MCF2: variants seen among roughly 807,000 people sequenced by gnomAD.
The protein encoded by MCF2 is proto-oncogene DBL.
In MCF2, 44 loss-of-function variants were observed where a neutral mutation model predicts 82.5. That is an observed-to-expected ratio of 0.53 (90% CI 0.42 to 0.69). The LOEUF (loss-of-function observed/expected upper bound fraction) is 0.69, where lower values mean the gene tolerates loss of function less well. MCF2 is among the 30% of genes least tolerant of loss of function. MCF2 has a pLI of 0.00. For synonymous variants in MCF2, 217 were observed against 224.9 expected, an observed-to-expected ratio of 0.96 and a Z score of 0.32; for missense variants, 623 against 663.1, an observed-to-expected ratio of 0.94 and a Z score of 0.66.
chrX:139,629,550 G>A lies in MCF2; in HGVS notation c.438+145C>T. On this transcript the variant is annotated intron_variant, in intron 4 of 24. Transcript: ENST00000370576. ...ATCCAGGACAGTCTTCTCTTATAAA[G>A]TATAATTTTTTTTAGTTTTTAAATA... 8 of 459,776 alleles carry A rather than the reference G, an allele frequency of 1.7e-5. No homozygotes were observed. In the South Asian group the frequency reaches 2.2e-4, roughly 12 times the overall value. 37.9% of individuals were successfully genotyped at this position (459,776 alleles called of 1,213,427 possible).
At chrX:139,615,088 T>G in intron 9 of MCF2, 36 bp from the exon 13 acceptor site, 1 of 1,073,858 alleles carries the variant, frequency 9.3e-7, no homozygotes, top group Non-Finnish European at 1.3e-6. Flanking sequence ...AAATATTTTA[T>G]GAAATGAGGT....
chrX:139,628,405 T>G (rs1164875488), intron 4 of MCF2, among the ~76,000 whole-genome samples: 1 of 111,400 alleles, frequency 9.0e-6, no homozygotes, highest in African/African-American at 3.3e-5. Context: ...TTCTCACAAG[T>G]GGGAGCTAAA....
chrX:139,696,586 G>A (rs1343693852), intron 1 of MCF2, among the ~76,000 whole-genome samples: 2 of 110,424 alleles, frequency 1.8e-5, no homozygotes, highest in African/African-American at 6.7e-5. Flanking sequence ...ACCATGCCTG[G>A]CTAATTTTTC....
At chrX:139,615,099 C>A in intron 9 of MCF2, 47 bp from the exon 13 acceptor site, 3 of 960,250 alleles carry the variant, frequency 3.1e-6, no homozygotes, top group African/African-American at 1.9e-5. Flanking sequence ...GAAATGAGGT[C>A]ATTACAAACC....
intron 1 of MCF2, among the ~76,000 whole-genome samples, chrX:139,690,517 T>C (rs1164744289): frequency 9.1e-6 from 1 of 110,185 alleles, no homozygotes; most frequent in Non-Finnish European, 1.9e-5. Context: ...ATCACCACAT[T>C]GCCCTTAATG....
chrX:139,685,845 T>C (rs945419753), intron 1 of MCF2, among the ~76,000 whole-genome samples: 2 of 111,139 alleles, frequency 1.8e-5, no homozygotes, highest in Non-Finnish European at 3.8e-5. Context: ...TAAACAGAGA[T>C]GCAAAAATAC....
chrX:139,616,379 T>C, exon 9 of MCF2: 4 of 1,181,329 alleles, frequency 3.4e-6, no homozygotes, highest in Non-Finnish European at 4.6e-6. Flanking sequence ...ATTTTCAATG[T>C]CTTGGAGAGC....
At chrX:139,582,704 T>C (rs1928581877) in intron 24 of MCF2, among the ~76,000 whole-genome samples, 1 of 112,027 alleles carries the variant, frequency 8.9e-6, no homozygotes, top group African/African-American at 3.2e-5. Flanking sequence ...GGTTTTTCTA[T>C]ATTCCCATCC....
chrX:139,588,374 T>C, exon 21 of MCF2: 1 of 1,207,249 alleles, frequency 8.3e-7, no homozygotes, highest in Non-Finnish European at 1.1e-6. Context: ...CAAAAGTTCC[T>C]GCTGCTTCAA....
At chrX:139,647,402 T>C (rs1026749821), upstream of MCF2, among the ~76,000 whole-genome samples, 9 of 111,914 alleles carry the variant, frequency 8.0e-5, no homozygotes, top group Admixed American at 6.6e-4. Context: ...AAAGGAATGA[T>C]GGCAGGAATG....
chrX:139,612,955 T>A (rs1200744888), intron 10 of MCF2, among the ~76,000 whole-genome samples: 2 of 111,982 alleles, frequency 1.8e-5, no homozygotes, highest in African/African-American at 6.5e-5. Context: ...TCGCCAATTG[T>A]TTTTCTTTAT....
At chrX:139,662,514 A>G (rs1691053235) in intron 1 of MCF2, among the ~76,000 whole-genome samples, 1 of 111,461 alleles carries the variant, frequency 9.0e-6, no homozygotes, top group Non-Finnish European at 1.9e-5. Flanking sequence ...GGATAGACAT[A>G]AAGATCAATG....
chrX:139,631,536 C>A, intron 2 of MCF2, 25 bp from the exon 6 acceptor site: 1 of 911,139 alleles, frequency 1.1e-6, no homozygotes, highest in Non-Finnish European at 1.6e-6. Context: ...AAAAAAGATA[C>A]TGTTAACTGC....
intron 19 of MCF2, among the ~76,000 whole-genome samples, chrX:139,593,183 T>A (rs1453724591): frequency 1.8e-5 from 2 of 112,062 alleles, no homozygotes; most frequent in African/African-American, 6.5e-5. Context: ...CATAGAGGTG[T>A]TTATAGTATT....
chrX:139,650,253 C>A (rs1933951117), intron 2 of MCF2, among the ~76,000 whole-genome samples: 1 of 111,507 alleles, frequency 9.0e-6, no homozygotes, highest in Non-Finnish European at 1.9e-5. Flanking sequence ...ACTCAGGAGG[C>A]TGAGGTGGAA....
At chrX:139,659,302 A>G (rs936416428) in intron 1 of MCF2, among the ~76,000 whole-genome samples, 10 of 110,912 alleles carry the variant, frequency 9.0e-5, no homozygotes, top group African/African-American at 3.0e-4. Context: ...AAAATAAAAA[A>G]TTTAAAAATT....
At chrX:139,705,026 G>A (rs1935564642) in intron 1 of MCF2, among the ~76,000 whole-genome samples, 1 of 111,724 alleles carries the variant, frequency 9.0e-6, no homozygotes, top group South Asian at 3.8e-4. Context: ...AAAACAACTT[G>A]GGTGGCTGGG....
intron 1 of MCF2, among the ~76,000 whole-genome samples, chrX:139,668,632 G>C (rs189105036): frequency 9.0e-6 from 1 of 111,409 alleles, no homozygotes; most frequent in East Asian, 2.8e-4. Context: ...GGTGTTTCCT[G>C]TCACTCTTCT....
chrX:139,651,777 G>C, exon 2 of MCF2: 2 of 1,148,400 alleles, frequency 1.7e-6, no homozygotes, highest in Admixed American at 2.6e-5. Flanking sequence ...ATACGGAGGA[G>C]CAGATCGGTT....
Sources: allele counts gnomAD v4.1 joint callset (sites outside exome capture counted in the v4.1 genomes callset), GRCh38; gene constraint gnomAD v4.1.1; transcripts MANE v1.5; gene names NCBI Gene and HGNC (gene_info 2026-07-23, HGNC 2026-07-21).